SH3GL2: variants seen among roughly 807,000 people sequenced by gnomAD.
The protein encoded by SH3GL2 is endophilin-A1.
A neutral mutation model predicts 46.0 loss-of-function variants in SH3GL2; 24 were observed. That is an observed-to-expected ratio of 0.52 (90% CI 0.38 to 0.73). SH3GL2 has a LOEUF of 0.73. SH3GL2 is among the 30% of genes least tolerant of loss of function. The pLI is 0.00. For missense variants in SH3GL2, 413 were observed against 424.2 expected (o/e 0.97, Z 0.23); for synonymous variants, 196 against 147.1 (o/e 1.33, Z -2.40).
At chr9:17,658,921 C>A (rs1820151760) in intron 1 of SH3GL2, among the ~76,000 whole-genome samples, 1 of 152,168 alleles carries the variant, frequency 6.6e-6, no homozygotes, top group African/African-American at 2.4e-5. Flanking sequence ...GCTTGAAGTG[C>A]AGGTGTCCCT....
chr9:17,662,972 G>C (rs1262085686), intron 1 of SH3GL2, among the ~76,000 whole-genome samples: 3 of 152,082 alleles, frequency 2.0e-5, no homozygotes, highest in Admixed American at 6.5e-5. Flanking sequence ...CAAAGTGCTG[G>C]GATTAGAGGC....
chr9:17,625,290 T>C (rs1819256679), intron 1 of SH3GL2, among the ~76,000 whole-genome samples: 1 of 152,150 alleles, frequency 6.6e-6, no homozygotes, highest in African/African-American at 2.4e-5. Flanking sequence ...AGTCCACATC[T>C]GTTGTTGATT....
intron 1 of SH3GL2, among the ~76,000 whole-genome samples, chr9:17,746,223 C>T (rs1272755931): frequency 6.6e-6 from 1 of 152,046 alleles, no homozygotes; most frequent in East Asian, 1.9e-4. Flanking sequence ...CTACAGGTGC[C>T]CGCCACCACG....
intron 2 of SH3GL2, among the ~76,000 whole-genome samples, chr9:17,753,417 G>C (rs1458074032): frequency 6.6e-6 from 1 of 152,118 alleles, no homozygotes; most frequent in Admixed American, 6.5e-5. Context: ...TTGTGTTTCT[G>C]TAATGATCAG....
chr9:17,748,734 C>T (rs1336719511), intron 2 of SH3GL2, among the ~76,000 whole-genome samples: 1 of 152,022 alleles, frequency 6.6e-6, no homozygotes, highest in Non-Finnish European at 1.5e-5. Context: ...GGAGGGCAAA[C>T]TTGGGGCAAG....
chr9:17,773,281 GTGTCTTTTGA>G (rs1249340548), intron 3 of SH3GL2, among the ~76,000 whole-genome samples: 1 of 152,056 alleles, frequency 6.6e-6, no homozygotes, highest in Non-Finnish European at 1.5e-5. Context: ...TCAGTTTCTA[GTGTCTTTTGA>G]TGCACACAAT....
intron 2 of SH3GL2, among the ~76,000 whole-genome samples, chr9:17,758,947 C>A (rs3824370): frequency 0.2 from 30,264 of 151,958 alleles, 3,587 homozygotes; most frequent in Non-Finnish European, 0.27. Context: ...CCCTGGGGAC[C>A]AAATGTAATA....
At chr9:17,736,000 C>A (rs1445562660) in intron 1 of SH3GL2, among the ~76,000 whole-genome samples, 1 of 152,030 alleles carries the variant, frequency 6.6e-6, no homozygotes, top group East Asian at 1.9e-4. Context: ...TCGTTTGATT[C>A]AGCATAAGCC....
chr9:17,768,033 TG>T (rs1246166613), intron 3 of SH3GL2, among the ~76,000 whole-genome samples: 1 of 152,116 alleles, frequency 6.6e-6, no homozygotes, highest in Non-Finnish European at 1.5e-5. Context: ...ATTCTTTACT[TG>T]TGTGTCTAAA....
intron 1 of SH3GL2, among the ~76,000 whole-genome samples, chr9:17,636,445 A>G (rs2134634432): frequency 6.6e-6 from 1 of 152,344 alleles, no homozygotes. Context: ...CTTATGATAT[A>G]TAACAGCATG....
At chr9:17,734,894 A>G (rs867713872) in intron 1 of SH3GL2, among the ~76,000 whole-genome samples, 1 of 152,114 alleles carries the variant, frequency 6.6e-6, no homozygotes, top group South Asian at 2.1e-4. Flanking sequence ...ATGATTACAT[A>G]ACTCTGTAAA....
chr9:17,702,770 G>A (rs1005269291), intron 1 of SH3GL2, among the ~76,000 whole-genome samples: 11 of 151,890 alleles, frequency 7.2e-5, no homozygotes, highest in Non-Finnish European at 1.5e-4. Context: ...AATGTCCACC[G>A]AAATATCTAA....
chr9:17,692,046 G>A (rs772606626), intron 1 of SH3GL2, among the ~76,000 whole-genome samples: 5 of 152,156 alleles, frequency 3.3e-5, no homozygotes, highest in Non-Finnish European at 5.9e-5. Flanking sequence ...TGACCTGTGT[G>A]CACATTTATT....
intron 1 of SH3GL2, among the ~76,000 whole-genome samples, chr9:17,631,173 A>G (rs1819413434): frequency 6.6e-6 from 1 of 152,144 alleles, no homozygotes; most frequent in Non-Finnish European, 1.5e-5. Context: ...ATTAAGTTTT[A>G]TATTTCACAT....
chr9:17,714,056 A>T (rs1821691663), intron 1 of SH3GL2, among the ~76,000 whole-genome samples: 1 of 151,804 alleles, frequency 6.6e-6, no homozygotes, highest in African/African-American at 2.4e-5. Flanking sequence ...GGAAGAAATA[A>T]TATTGGGACA....
At chr9:17,688,386 A>G (rs1228378937) in intron 1 of SH3GL2, among the ~76,000 whole-genome samples, 1 of 152,094 alleles carries the variant, frequency 6.6e-6, no homozygotes, top group Non-Finnish European at 1.5e-5. Flanking sequence ...AGAATATTAG[A>G]TATAAGAGAA....
intron 1 of SH3GL2, among the ~76,000 whole-genome samples, chr9:17,674,929 CA>C (rs907165154): frequency 1.3e-5 from 2 of 152,096 alleles, no homozygotes; most frequent in Non-Finnish European, 2.9e-5. Context: ...GTGACCAGAC[CA>C]GCCCAGATTC....
intron 1 of SH3GL2, among the ~76,000 whole-genome samples, chr9:17,650,454 C>T (rs1819927586): frequency 6.6e-6 from 1 of 152,114 alleles, no homozygotes; most frequent in African/African-American, 2.4e-5. Flanking sequence ...TCATGGAGAC[C>T]TCTGCCTTCC....
chr9:17,587,134 G>A (rs576182573), intron 1 of SH3GL2, among the ~76,000 whole-genome samples: 1 of 152,080 alleles, frequency 6.6e-6, no homozygotes, highest in Non-Finnish European at 1.5e-5. Context: ...CCTGGGAGGC[G>A]GAGGCTACAG....
Sources: allele counts gnomAD v4.1 joint callset (sites outside exome capture counted in the v4.1 genomes callset), GRCh38; gene constraint gnomAD v4.1.1; transcripts MANE v1.5; gene names NCBI Gene and HGNC (gene_info 2026-07-23, HGNC 2026-07-21).